NRF1: variants seen among roughly 807,000 people sequenced by gnomAD.
NRF1 encodes nuclear respiratory factor 1, also known as alpha palindromic-binding protein.
A neutral mutation model predicts 58.5 loss-of-function variants in NRF1; 5 were observed. That is an observed-to-expected ratio of 0.09 (90% confidence interval 0.04 to 0.18). NRF1 has a LOEUF of 0.18. Among genes scored for constraint, NRF1 ranks in the 10% least tolerant of loss-of-function variants. The probability of loss-of-function intolerance (pLI) is 1.00; values close to 1 mark genes in which losing one functional copy is unlikely to be tolerated. For missense variants in NRF1, 288 were observed against 657.7 expected (o/e 0.44, Z 6.15); for synonymous variants, 224 against 246.7 (o/e 0.91, Z 0.86).
chr7:129,681,578 A>ATTTATTTATTT (rs1562968926), intron 4 of NRF1, among the ~76,000 whole-genome samples: 2 of 152,040 alleles, frequency 1.3e-5, no homozygotes, highest in Non-Finnish European at 2.9e-5. Flanking sequence ...TTTATTTATT[A>ATTTATTTATTT]ATTTATTTAT....
chr7:129,660,329 C>T (rs772600433), intron 2 of NRF1, among the ~76,000 whole-genome samples: 3 of 150,700 alleles, frequency 2.0e-5, no homozygotes, highest in Non-Finnish European at 4.4e-5. Context: ...CATTTCAAAA[C>T]CAATCATGCC....
intron 5 of NRF1, among the ~76,000 whole-genome samples, chr7:129,691,921 G>A (rs1412610615): frequency 6.6e-6 from 1 of 151,902 alleles, no homozygotes; most frequent in East Asian, 1.9e-4. Flanking sequence ...TAGATGTCTG[G>A]TCCTCACACG....
intron 2 of NRF1, among the ~76,000 whole-genome samples, chr7:129,659,585 C>T (rs1204827198): frequency 6.6e-6 from 1 of 152,164 alleles, no homozygotes. Context: ...GTATGGAATT[C>T]TAGCTTGGTG....
intron 5 of NRF1, among the ~76,000 whole-genome samples, chr7:129,707,854 G>T (rs563904690): frequency 6.6e-6 from 1 of 152,166 alleles, no homozygotes. Context: ...TGGGTTCATG[G>T]TTCCCTATTA....
At chr7:129,614,579 G>C (rs1562948747) in intron 1 of NRF1, among the ~76,000 whole-genome samples, 1 of 151,908 alleles carries the variant, frequency 6.6e-6, no homozygotes, top group Non-Finnish European at 1.5e-5. Flanking sequence ...AGCCTCCCCA[G>C]TAGCTGAGAC....
chr7:129,658,607 A>AG (rs1055568184), intron 2 of NRF1, among the ~76,000 whole-genome samples: 6 of 152,068 alleles, frequency 3.9e-5, no homozygotes, highest in Admixed American at 2.6e-4. Flanking sequence ...AAAAAAAAAA[A>AG]AAAAAGGAAA....
At chr7:129,720,104 T>C (rs1286588332) in intron 9 of NRF1, among the ~76,000 whole-genome samples, 1 of 152,148 alleles carries the variant, frequency 6.6e-6, no homozygotes, top group African/African-American at 2.4e-5. Flanking sequence ...AAGGAGAATG[T>C]GTTCACTGTG....
At chr7:129,739,153 G>T (rs1803790374) in intron 10 of NRF1, among the ~76,000 whole-genome samples, 1 of 152,206 alleles carries the variant, frequency 6.6e-6, no homozygotes, top group Non-Finnish European at 1.5e-5. Context: ...ATAGCTGTTA[G>T]CTACATGTGG....
intron 9 of NRF1, 93 bp downstream of exon 9, chr7:129,717,469 G>A: frequency 1.5e-6 from 2 of 1,363,796 alleles, no homozygotes; most frequent in South Asian, 3.0e-5. Flanking sequence ...GTCTCTGTTT[G>A]CCACAGTTGG....
At chr7:129,722,859 C>T (rs888893319) in intron 9 of NRF1, among the ~76,000 whole-genome samples, 2 of 152,056 alleles carry the variant, frequency 1.3e-5, no homozygotes, top group African/African-American at 4.8e-5. Context: ...CTTTGATGGT[C>T]ATAAAGATGA....
At chr7:129,733,747 G>A (rs777660139) in intron 10 of NRF1, among the ~76,000 whole-genome samples, 7 of 151,954 alleles carry the variant, frequency 4.6e-5, no homozygotes, top group African/African-American at 1.2e-4. Context: ...GTGGAGGCCC[G>A]ACAAAGTAGT....
At chr7:129,624,813 C>G (rs1168245160) in intron 1 of NRF1, among the ~76,000 whole-genome samples, 1 of 152,116 alleles carries the variant, frequency 6.6e-6, no homozygotes, top group Non-Finnish European at 1.5e-5. Flanking sequence ...TGATTTTACT[C>G]TGTTCTCTAG....
chr7:129,670,813 C>A (rs998071263), intron 2 of NRF1, among the ~76,000 whole-genome samples: 1 of 152,186 alleles, frequency 6.6e-6, no homozygotes, highest in Non-Finnish European at 1.5e-5. Flanking sequence ...AAAGTTATCT[C>A]TTTTCTGCCA....
chr7:129,722,079 A>G (rs1020445610), intron 9 of NRF1, among the ~76,000 whole-genome samples: 2 of 152,182 alleles, frequency 1.3e-5, no homozygotes, highest in African/African-American at 4.8e-5. Flanking sequence ...TTTAATCCCT[A>G]TTCACCTTTT....
At chr7:129,614,331 G>T (rs1014164581) in intron 1 of NRF1, among the ~76,000 whole-genome samples, 31 of 152,008 alleles carry the variant, frequency 2.0e-4, no homozygotes, top group African/African-American at 7.3e-4. Context: ...GGCCAGGCTG[G>T]TCTCGAACTT....
At chr7:129,743,957 C>T (rs1445359612) in intron 10 of NRF1, among the ~76,000 whole-genome samples, 1 of 152,192 alleles carries the variant, frequency 6.6e-6, no homozygotes, top group African/African-American at 2.4e-5. Flanking sequence ...GACCTCCTCT[C>T]CCTTCAACTG....
intron 5 of NRF1, among the ~76,000 whole-genome samples, chr7:129,700,394 A>G (rs1777519061): frequency 6.6e-6 from 1 of 152,178 alleles, no homozygotes; most frequent in African/African-American, 2.4e-5. Flanking sequence ...CAATTAAGTC[A>G]TAGTCTTCAG....
intron 4 of NRF1, among the ~76,000 whole-genome samples, chr7:129,682,931 T>A (rs1270617945): frequency 1.3e-5 from 2 of 152,186 alleles, no homozygotes; most frequent in African/African-American, 4.8e-5. Context: ...CTACCAGGCC[T>A]CAAATAATTT....
chr7:129,695,634 T>G (rs1802674328), intron 5 of NRF1, among the ~76,000 whole-genome samples: 1 of 150,392 alleles, frequency 6.6e-6, no homozygotes, highest in Admixed American at 6.6e-5. Context: ...TACTGTAGTT[T>G]GAGGGGTTTA....
Sources: allele counts gnomAD v4.1 joint callset (sites outside exome capture counted in the v4.1 genomes callset), GRCh38; gene constraint gnomAD v4.1.1; transcripts MANE v1.5; gene names NCBI Gene and HGNC (gene_info 2026-07-23, HGNC 2026-07-21).